ZNF782: variants seen among roughly 807,000 people sequenced by gnomAD.
ZNF782 encodes zinc finger protein 782.
Under a neutral mutation model 13.0 loss-of-function variants are expected in ZNF782, and 12 were observed. The observed-to-expected ratio is 0.92, with a 90% CI of 0.59 to 1.50. The LOEUF (loss-of-function observed/expected upper bound fraction) is 1.50. Among genes scored for constraint, ZNF782 ranks in the 40% most tolerant of loss-of-function variants. The pLI, the probability that ZNF782 is intolerant of heterozygous loss-of-function variation, is 0.00. For synonymous variants in ZNF782, 284 were observed against 283.0 expected (o/e 1.00, Z -0.04); for missense variants, 770 against 822.9 (o/e 0.94, Z 0.79).
At chr9:96,846,578 T>A (rs557207256) in intron 3 of ZNF782, among the ~76,000 whole-genome samples, 3 of 150,808 alleles carry the variant, frequency 2.0e-5, no homozygotes, top group Non-Finnish European at 3.0e-5. Context: ...TCAAAGAAAA[T>A]CAGTAAAAAA....
At chr9:96,910,130 G>A in the ZNF782 span, 2 of 766,666 alleles carry the variant, frequency 2.6e-6, 1 homozygote, top group Non-Finnish European at 4.5e-6. Flanking sequence ...GGACTTAAAG[G>A]AGAAGAAGGA....
At chr9:96,899,546 T>C in the ZNF782 span, among the ~76,000 whole-genome samples, 3 of 150,746 alleles carry the variant, frequency 2.0e-5, no homozygotes, top group Admixed American at 6.6e-5. Flanking sequence ...CCAGGTAATT[T>C]ATAAATAAAA....
intron 1 of ZNF782, among the ~76,000 whole-genome samples, chr9:96,869,998 T>C (rs994228864): frequency 2.0e-5 from 3 of 152,176 alleles, no homozygotes; most frequent in Non-Finnish European, 4.4e-5. Flanking sequence ...CACAATACTG[T>C]GACATCTTTA....
At chr9:96,884,420 T>C in the ZNF782 span, among the ~76,000 whole-genome samples, 26,095 of 152,122 alleles carry the variant, frequency 0.17, 5,422 homozygotes, top group African/African-American at 0.49. Context: ...GAATAGAGTG[T>C]CATAAGGAAG....
upstream of ZNF782, among the ~76,000 whole-genome samples, chr9:96,858,491 T>C (rs750358845): frequency 1.1e-4 from 16 of 152,134 alleles, no homozygotes; most frequent in Non-Finnish European, 2.4e-4. The surrounding 1 kb of genome is among the most constrained non-coding windows in gnomAD (Gnocchi z 4.4). Flanking sequence ...ATGAGCTTCA[T>C]GGGGTCTTTC....
chr9:96,878,196 G>C (rs1455263848), upstream of ZNF782, among the ~76,000 whole-genome samples: 1 of 152,106 alleles, frequency 6.6e-6, no homozygotes, highest in Non-Finnish European at 1.5e-5. Flanking sequence ...TTACAGGCGC[G>C]CGCCACCACG....
chr9:96,894,567 C>T, the ZNF782 span: 3 of 152,148 alleles, frequency 2.0e-5, no homozygotes, highest in African/African-American at 2.4e-5. Context: ...TCCCACTTAC[C>T]CAAACTGTAT....
the ZNF782 span, among the ~76,000 whole-genome samples, chr9:96,911,224 G>A: frequency 6.9e-6 from 1 of 143,892 alleles, no homozygotes; most frequent in Non-Finnish European, 1.5e-5. Context: ...CGGATCACGA[G>A]GTCAGGAGAT....
chr9:96,862,093 G>A (rs777399394), intron 1 of ZNF782, among the ~76,000 whole-genome samples: 3 of 152,226 alleles, frequency 2.0e-5, no homozygotes, highest in Non-Finnish European at 4.4e-5. Context: ...AAAAGAGAAT[G>A]AGATCCTGTT....
intron 4 of ZNF782, among the ~76,000 whole-genome samples, chr9:96,839,970 T>C (rs1440359894): frequency 1.3e-5 from 2 of 152,204 alleles, no homozygotes; most frequent in African/African-American, 4.8e-5. Context: ...AATGCTGCAA[T>C]GAATAACCTT....
chr9:96,826,681 C>T (rs1207335604), intron 5 of ZNF782, among the ~76,000 whole-genome samples: 1 of 152,174 alleles, frequency 6.6e-6, no homozygotes, highest in Non-Finnish European at 1.5e-5. Flanking sequence ...ATTCTCATAA[C>T]TGCCGAGGGG....
At chr9:96,919,905 G>A in the ZNF782 span, among the ~76,000 whole-genome samples, 2 of 151,358 alleles carry the variant, frequency 1.3e-5, no homozygotes, top group Non-Finnish European at 1.5e-5. Context: ...TTAGATTTGG[G>A]GACTAGCAAG....
At chr9:96,835,360 G>A (rs1459781247) in intron 4 of ZNF782, among the ~76,000 whole-genome samples, 1 of 152,228 alleles carries the variant, frequency 6.6e-6, no homozygotes, top group Admixed American at 6.5e-5. Context: ...TTTTAGAAAA[G>A]ATATCCATTG....
At chr9:96,854,604 C>T (rs1033913153), upstream of ZNF782, 8 of 152,364 alleles carry the variant, frequency 5.3e-5, no homozygotes, top group South Asian at 1.4e-3. Context: ...TTCCCATAAG[C>T]TCTTGCGTCC....
upstream of ZNF782, among the ~76,000 whole-genome samples, chr9:96,856,603 A>G (rs138694209): frequency 5.4e-4 from 82 of 152,326 alleles, no homozygotes; most frequent in Middle Eastern, 3.4e-3. Flanking sequence ...AACTCAAGGT[A>G]AGAGGATCAG....
chr9:96,840,268 C>G (rs1851146985), intron 4 of ZNF782, among the ~76,000 whole-genome samples: 1 of 152,044 alleles, frequency 6.6e-6, no homozygotes, highest in African/African-American at 2.4e-5. Context: ...GGTCTCTGTA[C>G]TCACTATCTT....
intron 3 of ZNF782, among the ~76,000 whole-genome samples, chr9:96,845,861 A>G (rs2118742914): frequency 6.6e-6 from 1 of 152,334 alleles, no homozygotes; most frequent in East Asian, 1.9e-4. Flanking sequence ...CTCTTGGAAA[A>G]TCCACTGCAA....
the ZNF782 span, among the ~76,000 whole-genome samples, chr9:96,919,565 G>GTTT: frequency 1.0e-5 from 1 of 98,304 alleles, no homozygotes. Context: ...TCTCAAATGA[G>GTTT]TTTTTTTTTT....
At chr9:96,823,142 G>C (rs933116896) in intron 5 of ZNF782, among the ~76,000 whole-genome samples, 14 of 152,154 alleles carry the variant, frequency 9.2e-5, no homozygotes, top group Admixed American at 2.6e-4. Context: ...TTTCCACTGG[G>C]CTGATCATGT....
Sources: gnomAD v4.1 joint callset for allele counts (sites outside exome capture counted in the v4.1 genomes callset) on GRCh38, gnomAD v4.1.1 for gene constraint, Gnocchi (gnomAD v3.1) non-coding constraint, MANE v1.5 for transcripts, NCBI Gene and HGNC (gene_info 2026-07-23, HGNC 2026-07-21) for gene names.